SPON2: variants seen among roughly 807,000 people sequenced by gnomAD.
SPON2 encodes the protein spondin 2.
Under a neutral mutation model 29.9 loss-of-function variants are expected in SPON2, and 32 were observed. The observed-to-expected ratio is 1.07, with a 90% CI of 0.81 to 1.44. The LOEUF is 1.44. SPON2 is among the 40% of genes most tolerant of loss of function. The pLI is 0.00. For missense variants in SPON2, 541 were observed against 455.5 expected, an observed-to-expected ratio of 1.19 and a Z score of -1.71; for synonymous variants, 248 against 209.1, an observed-to-expected ratio of 1.19 and a Z score of -1.61.
At chr4:1,198,777 C>A (rs1443522899), upstream of SPON2, among the ~76,000 whole-genome samples, 3 of 152,154 alleles carry the variant, frequency 2.0e-5, no homozygotes, top group Non-Finnish European at 4.4e-5. Context: ...ATTCAGAGAA[C>A]CTCACCGACA....
At chr4:1,175,598 G>A (rs1485995485), upstream of SPON2, among the ~76,000 whole-genome samples, 2 of 151,890 alleles carry the variant, frequency 1.3e-5, no homozygotes, top group Admixed American at 1.3e-4. Context: ...ATATAGGGTG[G>A]TGGTGGGCCC....
At chr4:1,182,109 C>T (rs1727710616) in intron 1 of SPON2, among the ~76,000 whole-genome samples, 1 of 152,008 alleles carries the variant, frequency 6.6e-6, no homozygotes, top group African/African-American at 2.4e-5. Flanking sequence ...AGCAACAAAC[C>T]CCAGGGAAGG....
At chr4:1,186,669 C>A (rs79265825) in intron 1 of SPON2, among the ~76,000 whole-genome samples, 3,887 of 152,164 alleles carry the variant, frequency 0.026, 163 homozygotes, top group African/African-American at 0.088. Flanking sequence ...ATATAGAGAA[C>A]TCCTAAAACT....
upstream of SPON2, chr4:1,200,098 T>C (rs1158132882): frequency 1.3e-5 from 2 of 152,232 alleles, no homozygotes; most frequent in East Asian, 3.9e-4. Flanking sequence ...TCCCGGCTGC[T>C]AGTTACCAGA....
chr4:1,195,874 A>G (rs569938564), upstream of SPON2, among the ~76,000 whole-genome samples: 34 of 152,296 alleles, frequency 2.2e-4, no homozygotes, highest in African/African-American at 7.5e-4. Context: ...GCTTCGAGCC[A>G]TCCTCCTGCT....
intron 1 of SPON2, among the ~76,000 whole-genome samples, chr4:1,190,307 A>G (rs1021516252): frequency 6.6e-6 from 1 of 152,030 alleles, no homozygotes; most frequent in Admixed American, 6.5e-5. Context: ...ACAAAAAAAA[A>G]CAAACTTCCC....
intron 1 of SPON2, among the ~76,000 whole-genome samples, chr4:1,203,547 T>G (rs572134494): frequency 5.1e-4 from 77 of 152,336 alleles, no homozygotes; most frequent in African/African-American, 1.8e-3. Context: ...TTGTGAATAA[T>G]GCTACCAGGA....
chr4:1,171,115 C>A lies in SPON2; in HGVS notation c.520G>T (p.Asp174Tyr). ...GVDSLDLCDGDRWREQAALDL... is the reference protein window; with the variant it reads ...GVDSLDLCDGYRWREQAALDL... The stretch of plus-strand genomic sequence containing the variant: ...AGCGCCGCCTGTTCCCGCCAACGGT[C>A]CCCGTCGCACAGGTCCAGGCTGTCC... The change falls in exon 4 of 6, where the codon GAC becomes TAC. Residue 174 changes from aspartate to tyrosine, a missense_variant. By Grantham distance (160) the Asp-to-Tyr change is radical. Transcript: ENST00000290902. 3 of 1,551,774 alleles carry A rather than the reference C, an allele frequency of 1.9e-6. No homozygotes were observed. The highest frequency in any genetic ancestry group is 2.6e-6 in the Non-Finnish European group (3 of 1,147,564).
At chr4:1,197,517 G>A (rs75466921), upstream of SPON2, among the ~76,000 whole-genome samples, 2,206 of 152,104 alleles carry the variant, frequency 0.015, 55 homozygotes, top group African/African-American at 0.05. Flanking sequence ...CTAATGCAGC[G>A]CCCAGAGCCC....
chr4:1,171,743 C>A, intron 2 of SPON2, 109 bp downstream of exon 2: 1 of 868,888 alleles, frequency 1.2e-6, no homozygotes, highest in African/African-American at 1.6e-5. Context: ...TAGAGTCTCC[C>A]GACGTCAGCA....
At chr4:1,198,084 C>T (rs1484699790), upstream of SPON2, among the ~76,000 whole-genome samples, 1 of 151,542 alleles carries the variant, frequency 6.6e-6, no homozygotes, top group Non-Finnish European at 1.5e-5. Context: ...AAATGACTAC[C>T]TCTATTTAGA....
chr4:1,171,397 A>C lies in SPON2; in HGVS notation c.310T>G (p.Trp104Gly). Residue 104 changes from tryptophan to glycine, a missense_variant, in exon 3 of 6, where the codon TGG becomes GGG. Transcript: ENST00000290902. Reference protein sequence around the residue: ...LRDFAERGEAWALMKEIEAAG... With the variant: ...LRDFAERGEAGALMKEIEAAG... Reference sequence around the variant, plus strand: ...GCCTCGATCTCCTTCATCAGCGCCCAGGCCTCGCCGCGCTCCGCAAAGTCG... The same window carrying C: ...GCCTCGATCTCCTTCATCAGCGCCCCGGCCTCGCCGCGCTCCGCAAAGTCG... 1 of 1,612,286 alleles carries C rather than the reference A, an allele frequency of 6.2e-7. No homozygotes were observed. Among genetic ancestry groups the C allele is most frequent in the Non-Finnish European group, 8.5e-7 (1 of 1,179,776 alleles).
Position 1,167,189 on chromosome 4 carries a change from C to A in SPON2, c.*283G>T. ...TATAAGGAGACATAATTTAGAGTAG[C>A]TGGAGCCTTGGGGATGACTTTATCC... is the stretch of plus-strand genomic sequence containing the variant. On this transcript the variant is annotated 3_prime_UTR_variant, in exon 6 of 6. Coordinates refer to ENST00000290902, the MANE Select transcript of SPON2 (RefSeq NM_012445.4). 1 of 425,174 alleles carries A rather than the reference C, an allele frequency of 2.4e-6. No homozygotes were observed. The highest frequency in any genetic ancestry group is 4.2e-6 in the Non-Finnish European group (1 of 236,262). The allele number at this position is 425,174 out of a possible 1,614,324, so 26.3% of individuals were successfully genotyped here.
chr4:1,192,179 G>T (rs1373657661), intron 1 of SPON2, among the ~76,000 whole-genome samples: 3 of 152,222 alleles, frequency 2.0e-5, no homozygotes, highest in African/African-American at 4.8e-5. Context: ...GCAGAGTGTG[G>T]GATGGGGGTG....
Position 1,186,045 on chromosome 4 carries a change from C to T in SPON2, c.-238-6504G>A, listed in dbSNP as rs553433742. ...GGATCACGAGGTCAGGAGATCGAGA[C>T]CATCCTGGCTAACACGGTGAAACCC... On this transcript the variant is annotated intron_variant, in intron 1 of 3. Coordinates refer to the SPON2 transcript ENST00000502483. Among the ~76,000 whole-genome samples, 361 of 149,974 alleles carry T rather than the reference C, an allele frequency of 2.4e-3. 1 individual carries two copies. Among genetic ancestry groups the T allele is most frequent in the African/African-American group, 8.1e-3 (333 of 41,300 alleles).
chr4:1,195,419 A>G (rs1728043502), upstream of SPON2, among the ~76,000 whole-genome samples: 1 of 151,474 alleles, frequency 6.6e-6, no homozygotes, highest in Non-Finnish European at 1.5e-5. Flanking sequence ...GGGGTCCCTC[A>G]CAGGCCGGCC....
chr4:1,187,173 TAGAA>T (rs1490905344), intron 1 of SPON2, among the ~76,000 whole-genome samples: 1 of 152,176 alleles, frequency 6.6e-6, no homozygotes, highest in Non-Finnish European at 1.5e-5. Flanking sequence ...TATTTAGCCT[TAGAA>T]AGAAAGGAAA....
At chr4:1,168,419 C>T (rs1727317274) in intron 5 of SPON2, among the ~76,000 whole-genome samples, 1 of 152,210 alleles carries the variant, frequency 6.6e-6, no homozygotes, top group South Asian at 2.1e-4. Flanking sequence ...AGCTTTGTGG[C>T]TACTGAAGGA....
intron 1 of SPON2, among the ~76,000 whole-genome samples, chr4:1,180,693 T>C (rs763725371): frequency 2.2e-4 from 33 of 152,232 alleles, no homozygotes; most frequent in Non-Finnish European, 4.7e-4. Flanking sequence ...ACAGAAATTA[T>C]AGAGAACCAA....
Sources: gnomAD v4.1 joint callset for allele counts (sites outside exome capture counted in the v4.1 genomes callset) on GRCh38, gnomAD v4.1.1 for gene constraint, MANE v1.5 for transcripts, NCBI Gene and HGNC (gene_info 2026-07-23, HGNC 2026-07-21) for gene names.